MKLN1: variants seen among roughly 807,000 people sequenced by gnomAD.
The protein encoded by MKLN1 is muskelin 1.
In MKLN1, 18 loss-of-function variants were observed where a neutral mutation model predicts 99.0. The ratio of observed to expected loss-of-function variants is 0.18; its 90% CI spans 0.13 to 0.27. The LOEUF (loss-of-function observed/expected upper bound fraction) is 0.27, where lower values mean the gene tolerates loss of function less well. Ranked by LOEUF, MKLN1 falls within the 10% of genes least tolerant of loss-of-function variation. MKLN1 has a pLI of 1.00. For missense variants in MKLN1, 621 were observed against 875.9 expected, an observed-to-expected ratio of 0.71 and a Z score of 3.67; for synonymous variants, 288 against 293.2, an observed-to-expected ratio of 0.98 and a Z score of 0.18.
At chr7:131,151,094 T>G (rs1795882727) in intron 2 of MKLN1, among the ~76,000 whole-genome samples, 1 of 152,216 alleles carries the variant, frequency 6.6e-6, no homozygotes, top group Non-Finnish European at 1.5e-5. Context: ...ATATTTTTCT[T>G]TAAGTGCATC....
At chr7:131,392,994 T>G (rs564249521) in intron 4 of MKLN1, among the ~76,000 whole-genome samples, 1 of 152,060 alleles carries the variant, frequency 6.6e-6, no homozygotes, top group South Asian at 2.1e-4. Flanking sequence ...GTTCCTGGGC[T>G]CAAGCCATGT....
At position 131,495,469 on chromosome 7, in the gene MKLN1, A is replaced by G. The variant is rs1197952490; in HGVS notation, c.*7741A>G. 1 of 152,214 alleles carries G rather than the reference A, an allele frequency of 6.6e-6. No individual in the cohort carries two copies. Among genetic ancestry groups the G allele is most frequent in the Non-Finnish European group, 1.5e-5 (1 of 68,036 alleles). 9.4% of individuals were successfully genotyped at this position (152,214 alleles called of 1,614,324 possible). A position where few individuals can be genotyped will look rare whatever the true frequency, so the allele number is the denominator to read the frequency against. On this transcript the variant is annotated 3_prime_UTR_variant, in exon 18 of 18. Transcript: ENST00000352689. ...TAGTGATTGTCAAAATAGGTTTATC[A>G]TTTAAAAAACTAGGAAATTACTAAG...
chr7:131,482,893 A>G (rs901546395), intron 17 of MKLN1, among the ~76,000 whole-genome samples: 24 of 152,198 alleles, frequency 1.6e-4, no homozygotes, highest in Non-Finnish European at 2.8e-4. Flanking sequence ...TAGCTACTGT[A>G]TGATCCCCTT....
intron 1 of MKLN1, among the ~76,000 whole-genome samples, chr7:131,132,126 T>C (rs1290811169): frequency 1.3e-5 from 2 of 152,234 alleles, no homozygotes; most frequent in Non-Finnish European, 2.9e-5. Context: ...AAAAGTCAAT[T>C]GTGTAAATGT....
At chr7:131,127,639 A>T (rs1217280267) in intron 1 of MKLN1, among the ~76,000 whole-genome samples, 2 of 152,238 alleles carry the variant, frequency 1.3e-5, no homozygotes, top group Non-Finnish European at 2.9e-5. Flanking sequence ...TCTAACATGC[A>T]GTCAGATGGG....
At chr7:131,338,636 T>C (rs1307967521) in intron 1 of MKLN1, among the ~76,000 whole-genome samples, 2 of 152,252 alleles carry the variant, frequency 1.3e-5, no homozygotes, top group Non-Finnish European at 2.9e-5. Context: ...TGTTTAGTTC[T>C]TTTGGAATAG....
At chr7:131,125,170 T>C (rs759388199) in intron 1 of MKLN1, among the ~76,000 whole-genome samples, 5 of 152,204 alleles carry the variant, frequency 3.3e-5, no homozygotes, top group African/African-American at 7.2e-5. Context: ...GGACACGATA[T>C]AGGGGTAATG....
intron 2 of MKLN1, among the ~76,000 whole-genome samples, chr7:131,182,354 A>G (rs1237290764): frequency 6.6e-6 from 1 of 152,232 alleles, no homozygotes; most frequent in Non-Finnish European, 1.5e-5. Context: ...AATGCTTACC[A>G]CAGCCAAGCT....
rs9690555 is a variant in MKLN1 at position 131,291,494 on chromosome 7, T to C, written c.-178-83930T>C. ...GTGATATGTAGTAAGAGTACTTATGTACAGAGTTGTGACAATTAAAAATAA... is the reference window on the plus strand; with the variant it reads ...GTGATATGTAGTAAGAGTACTTATGCACAGAGTTGTGACAATTAAAAATAA... On this transcript the variant is annotated intron_variant, in intron 3 of 7. Transcript: ENST00000416992. Among the ~76,000 whole-genome samples the C allele has an allele frequency of 2.6e-3, 402 of 151,704 alleles. 4 individuals carry two copies. The highest frequency in any genetic ancestry group is 9.2e-3 in the African/African-American group (380 of 41,458).
Position 131,160,864 on chromosome 7 carries a change from A to G in MKLN1, c.-297+17923A>G, listed in dbSNP as rs115264349. On this transcript the variant is annotated intron_variant, in intron 2 of 7. Transcript: ENST00000416992. The stretch of plus-strand genomic sequence containing the variant: ...ATTTAACAAATCAACTTTTGATCAC[A>G]TGTATTACTTAGCTAAGCCTCTCTA... 3.9e-3 allele frequency among the ~76,000 whole-genome samples: 586 copies of G among 152,094 alleles called. 5 individuals are homozygous for G. Among genetic ancestry groups the G allele is most frequent in the African/African-American group, 0.013 (556 of 41,514 alleles).
intron 3 of MKLN1, among the ~76,000 whole-genome samples, chr7:131,258,887 A>T (rs1275499310): frequency 6.6e-6 from 1 of 152,198 alleles, no homozygotes; most frequent in African/African-American, 2.4e-5. Flanking sequence ...AATGATTTAC[A>T]GGGTGCCTTT....
chr7:131,144,938 T>C (rs1198208871), intron 2 of MKLN1, among the ~76,000 whole-genome samples: 2 of 151,442 alleles, frequency 1.3e-5, no homozygotes, highest in African/African-American at 2.4e-5. Flanking sequence ...GATTGCACCA[T>C]TGCACTCCAG....
intron 9 of MKLN1, among the ~76,000 whole-genome samples, chr7:131,436,386 T>G (rs975942925): frequency 6.6e-6 from 1 of 152,214 alleles, no homozygotes; most frequent in Non-Finnish European, 1.5e-5. Flanking sequence ...GTCCACTTTA[T>G]ACATCAATTC....
chr7:131,339,755 A>G (rs1584622645), intron 1 of MKLN1, among the ~76,000 whole-genome samples: 2 of 152,112 alleles, frequency 1.3e-5, no homozygotes, highest in East Asian at 1.9e-4. Flanking sequence ...TTCCCTTCAT[A>G]TAATAGGATT....
chr7:131,240,427 TAGAA>T (rs1431028797), intron 3 of MKLN1, among the ~76,000 whole-genome samples: 1 of 152,122 alleles, frequency 6.6e-6, no homozygotes, highest in African/African-American at 2.4e-5. Context: ...TGAAAAATCA[TAGAA>T]AGAGATCTCA....
At chr7:131,441,411 C>G (rs1403783025) in intron 10 of MKLN1, among the ~76,000 whole-genome samples, 1 of 151,902 alleles carries the variant, frequency 6.6e-6, no homozygotes, top group East Asian at 1.9e-4. Flanking sequence ...TAATTTTTCC[C>G]AGGAAAATAA....
chr7:131,160,492 A>ATT (rs1343341791), intron 2 of MKLN1, among the ~76,000 whole-genome samples: 1,572 of 138,970 alleles, frequency 0.011, 14 homozygotes, highest in Middle Eastern at 0.033. Context: ...TATTATTATT[A>ATT]ATTATTATTA....
chr7:131,291,374 AC>A (rs1798214625), intron 3 of MKLN1, among the ~76,000 whole-genome samples: 1 of 151,008 alleles, frequency 6.6e-6, no homozygotes, highest in African/African-American at 2.4e-5. Flanking sequence ...CAGGTGATCC[AC>A]CCGCCTCAGC....
In MKLN1 at chr7:131,411,626, G is replaced by A. The variant is rs570812281; in HGVS notation, c.781+243G>A. Among the ~76,000 whole-genome samples the A allele has an allele frequency of 2.0e-5, 3 of 152,002 alleles. No individual in the cohort carries two copies. The East Asian group carries it at 5.8e-4, about 29-fold the overall frequency. On this transcript the variant is annotated intron_variant, in intron 7 of 17. Transcript: ENST00000352689. ...GTCTCTACAAAAAATTAGCTATACA[G>A]CCGAGTGTGGTGGCTCACACCTATA...
Sources: gnomAD v4.1 joint callset for allele counts (sites outside exome capture counted in the v4.1 genomes callset) on GRCh38, gnomAD v4.1.1 for gene constraint, MANE v1.5 for transcripts, NCBI Gene and HGNC (gene_info 2026-07-23, HGNC 2026-07-21) for gene names.